The following PHKB variants were observed in gnomAD, a reference collection of about 807,000 sequenced individuals.
PHKB encodes phosphorylase b kinase regulatory subunit beta.
PHKB carries 122 observed loss-of-function variants against 152.1 expected under a neutral mutation model. The ratio of observed to expected loss-of-function variants is 0.80; its 90% CI spans 0.69 to 0.93. The LOEUF (loss-of-function observed/expected upper bound fraction) is 0.93. Among genes scored for constraint, PHKB ranks in the 40% least tolerant of loss-of-function variants. The pLI is 0.00. For synonymous variants in PHKB, 436 were observed against 464.9 expected, an observed-to-expected ratio of 0.94 and a Z score of 0.80; for missense variants, 1,304 against 1,328.4, an observed-to-expected ratio of 0.98 and a Z score of 0.29.
At chr16:47,465,030 A>G (rs1969643809) in intron 1 of PHKB, among the ~76,000 whole-genome samples, 2 of 152,226 alleles carry the variant, frequency 1.3e-5, no homozygotes, top group African/African-American at 4.8e-5. Context: ...TGTTCTGGCA[A>G]GATAGAGGAG....
chr16:47,682,520 C>T (rs1282678669), intron 26 of PHKB, among the ~76,000 whole-genome samples: 5 of 152,192 alleles, frequency 3.3e-5, no homozygotes, highest in Admixed American at 3.3e-4. Flanking sequence ...ATTTCGTCTT[C>T]CATCACTGAT....
At chr16:47,522,293 T>C (rs578238991) in intron 6 of PHKB, among the ~76,000 whole-genome samples, 1 of 152,296 alleles carries the variant, frequency 6.6e-6, no homozygotes, top group African/African-American at 2.4e-5. Context: ...TCCAGGAATT[T>C]GTCTATTTAA....
At chr16:47,518,007 A>T (rs1970626166) in intron 6 of PHKB, among the ~76,000 whole-genome samples, 1 of 152,202 alleles carries the variant, frequency 6.6e-6, no homozygotes, top group African/African-American at 2.4e-5. Context: ...TAAAGATCTC[A>T]GAGGATTCAA....
intron 6 of PHKB, among the ~76,000 whole-genome samples, chr16:47,532,480 A>G (rs1052604303): frequency 6.6e-6 from 1 of 152,196 alleles, no homozygotes; most frequent in Non-Finnish European, 1.5e-5. Flanking sequence ...GCTGGATCCC[A>G]TGCCTGCCAA....
rs757773313 is a variant in PHKB at position 47,666,026 on chromosome 16, C to A, written c.2427+1051C>A. The A allele has an allele frequency of 4.4e-6, 7 of 1,606,294 alleles. No homozygotes were observed. Among genetic ancestry groups the A allele is most frequent in the Admixed American group, 1.7e-5 (1 of 59,978 alleles). On this transcript the variant is annotated intron_variant, in intron 25 of 30. Coordinates refer to ENST00000323584, the MANE Select transcript of PHKB (RefSeq NM_000293.3). ...CCATTACTAATGTTTTAGTGCAGGGCAAACAGGTAAGTATTTGCTTTTCAG... is the reference window on the plus strand; with the variant it reads ...CCATTACTAATGTTTTAGTGCAGGGAAAACAGGTAAGTATTTGCTTTTCAG...
At chr16:47,491,817 CAG>C (rs1597026839) in intron 1 of PHKB, among the ~76,000 whole-genome samples, 2 of 152,170 alleles carry the variant, frequency 1.3e-5, no homozygotes, top group African/African-American at 2.4e-5. Context: ...ATGAGGAAAA[CAG>C]AGGTTTTTTG....
intron 20 of PHKB, among the ~76,000 whole-genome samples, chr16:47,656,261 C>A (rs1252970829): frequency 2.6e-5 from 4 of 152,340 alleles, no homozygotes; most frequent in Non-Finnish European, 5.9e-5. Flanking sequence ...TCATGATCCA[C>A]CCGCCTCAGC....
chr16:47,650,942 A>G, intron 20 of PHKB, 21 bp downstream of exon 20: 3 of 1,484,498 alleles, frequency 2.0e-6, no homozygotes, highest in Non-Finnish European at 2.8e-6. Context: ...GATTTTCAGT[A>G]TGCATCTATT....
chr16:47,558,493 A>G (rs1230068139), intron 7 of PHKB, among the ~76,000 whole-genome samples: 2 of 152,196 alleles, frequency 1.3e-5, no homozygotes, highest in African/African-American at 2.4e-5. Flanking sequence ...TGGATAATAA[A>G]TTAACATATT....
chr16:47,597,061 CA>C (rs1194629115), intron 13 of PHKB, among the ~76,000 whole-genome samples: 1 of 152,140 alleles, frequency 6.6e-6, no homozygotes, highest in Non-Finnish European at 1.5e-5. Context: ...CACTCTTGGA[CA>C]CTTTGAAATG....
chr16:47,687,051 A>T (rs1406420014), intron 26 of PHKB, among the ~76,000 whole-genome samples: 1 of 152,196 alleles, frequency 6.6e-6, no homozygotes, highest in Non-Finnish European at 1.5e-5. Flanking sequence ...TACAACAGGA[A>T]ATCCCACTTT....
chr16:47,650,489 ATCCTGTTC>A (rs1266576861), intron 18 of PHKB, 47 bp from the exon 19 acceptor site: 1 of 1,013,368 alleles, frequency 9.9e-7, no homozygotes, highest in Non-Finnish European at 1.6e-6. Flanking sequence ...ATGGTTGAGC[ATCCTGTTC>A]ATCTTAGATA....
At chr16:47,528,785 C>G (rs1970810768) in intron 6 of PHKB, among the ~76,000 whole-genome samples, 2 of 151,800 alleles carry the variant, frequency 1.3e-5, no homozygotes, top group African/African-American at 4.8e-5. Flanking sequence ...CAACCTCTGC[C>G]ACCCAGATTC....
chr16:47,592,575 T>G (rs1053534001), intron 10 of PHKB, among the ~76,000 whole-genome samples: 2 of 152,254 alleles, frequency 1.3e-5, no homozygotes, highest in African/African-American at 4.8e-5. Context: ...CCTGTAAACA[T>G]TCCCTGATTC....
At chr16:47,628,493 C>T (rs190447432) in intron 14 of PHKB, among the ~76,000 whole-genome samples, 21 of 152,262 alleles carry the variant, frequency 1.4e-4, no homozygotes, top group African/African-American at 5.1e-4. Flanking sequence ...GATCGCTCCA[C>T]TGCGCTCCAG....
chr16:47,593,644 T>C (rs1972070083), intron 11 of PHKB, 87 bp downstream of exon 11: 1 of 812,502 alleles, frequency 1.2e-6, no homozygotes, highest in East Asian at 2.5e-5. Flanking sequence ...AGAGCAGAAA[T>C]AAATTATGAC....
intron 19 of PHKB, 60 bp downstream of exon 19, chr16:47,650,686 T>C (rs781351046): frequency 6.0e-6 from 8 of 1,335,542 alleles, no homozygotes; most frequent in Non-Finnish European, 8.6e-6. Flanking sequence ...AGTGAGCCCT[T>C]GGGAAGAAAG....
chr16:47,657,316 A>G (rs925487662), intron 20 of PHKB, among the ~76,000 whole-genome samples: 4 of 152,134 alleles, frequency 2.6e-5, no homozygotes, highest in African/African-American at 4.8e-5. Flanking sequence ...GGCACTAGGG[A>G]TGTAGTGTTG....
At chr16:47,554,428 G>T (rs1971329567) in intron 7 of PHKB, among the ~76,000 whole-genome samples, 1 of 152,214 alleles carries the variant, frequency 6.6e-6, no homozygotes, top group South Asian at 2.1e-4. Context: ...AGAATTTCAA[G>T]CCAGTGGATC....
Sources: gnomAD v4.1 joint callset for allele counts (sites outside exome capture counted in the v4.1 genomes callset) on GRCh38, gnomAD v4.1.1 for gene constraint, MANE v1.5 for transcripts, NCBI Gene and HGNC (gene_info 2026-07-23, HGNC 2026-07-21) for gene names.